TRIM37: variants seen among roughly 807,000 people sequenced by gnomAD.
TRIM37 encodes tripartite motif containing 37.
A neutral mutation model predicts 129.8 loss-of-function variants in TRIM37; 80 were observed. That is an observed-to-expected ratio of 0.62 (90% confidence interval 0.51 to 0.74). The LOEUF is 0.74. TRIM37 is among the 30% of genes least tolerant of loss of function. The pLI is 0.00. For synonymous variants in TRIM37, 389 were observed against 387.1 expected, an observed-to-expected ratio of 1.00 and a Z score of -0.06; for missense variants, 1,054 against 1,176.5, an observed-to-expected ratio of 0.90 and a Z score of 1.52.
chr17:59,052,214 A>T (rs915948307), intron 13 of TRIM37, among the ~76,000 whole-genome samples: 1 of 17,390 alleles, frequency 5.8e-5, no homozygotes, highest in Non-Finnish European at 9.4e-5. Flanking sequence ...TGTTTTAATT[A>T]AAAAAAAAAA....
intron 13 of TRIM37, among the ~76,000 whole-genome samples, chr17:59,053,280 A>AT (rs2040523301): frequency 2.0e-5 from 3 of 152,218 alleles, no homozygotes; most frequent in African/African-American, 7.2e-5. Context: ...AAAAGCCTTA[A>AT]ATAACTTTCT....
intron 9 of TRIM37, among the ~76,000 whole-genome samples, chr17:59,067,958 AC>A (rs2042049863): frequency 1.3e-5 from 2 of 152,192 alleles, no homozygotes. Flanking sequence ...TGGCTCCATC[AC>A]CAATTACTAA....
At chr17:58,974,432 A>G in the TRIM37 span, among the ~76,000 whole-genome samples, 17 of 152,194 alleles carry the variant, frequency 1.1e-4, no homozygotes, top group Non-Finnish European at 2.9e-5. Context: ...GGGAAAGTCA[A>G]TGAAACTCGG....
At chr17:58,985,397 G>A (rs999240000) in intron 24 of TRIM37, among the ~76,000 whole-genome samples, 4 of 152,212 alleles carry the variant, frequency 2.6e-5, no homozygotes, top group African/African-American at 9.6e-5. Context: ...TAGCTGAACT[G>A]CGAGGAGAGG....
At chr17:59,006,491 A>G (rs1376544417) in intron 22 of TRIM37, among the ~76,000 whole-genome samples, 3 of 152,168 alleles carry the variant, frequency 2.0e-5, no homozygotes, top group African/African-American at 7.2e-5. Flanking sequence ...GTCACCAACA[A>G]TTTATCTGCC....
intron 22 of TRIM37, 125 bp from the exon 23 acceptor site, chr17:59,001,839 CAAACT>C: frequency 1.5e-6 from 2 of 1,326,610 alleles, no homozygotes; most frequent in South Asian, 1.3e-5. Context: ...AAGAATTCAA[CAAACT>C]AAACACTAAC....
chr17:59,099,188 CA>C (rs986446269), intron 2 of TRIM37, among the ~76,000 whole-genome samples: 1 of 151,604 alleles, frequency 6.6e-6, no homozygotes, highest in Admixed American at 6.6e-5. Flanking sequence ...TCTCAAAAAA[CA>C]AAAAAACTTA....
intron 19 of TRIM37, among the ~76,000 whole-genome samples, chr17:59,019,876 G>A (rs917243328): frequency 1.6e-4 from 25 of 152,074 alleles, no homozygotes; most frequent in Non-Finnish European, 2.8e-4. Flanking sequence ...CTAGACTTAC[G>A]AAAAATGATG....
chr17:59,068,594 A>G (rs1028487545), intron 9 of TRIM37, among the ~76,000 whole-genome samples: 9 of 152,246 alleles, frequency 5.9e-5, no homozygotes, highest in African/African-American at 1.9e-4. Flanking sequence ...AATCTACTTA[A>G]TGACAGCAAA....
At chr17:59,037,787 T>C (rs1178718951) in intron 17 of TRIM37, among the ~76,000 whole-genome samples, 3 of 152,050 alleles carry the variant, frequency 2.0e-5, no homozygotes, top group Non-Finnish European at 2.9e-5. Flanking sequence ...TTTAGTAGTT[T>C]TCCCCTAATG....
At chr17:59,019,356 A>T (rs1318121984) in intron 19 of TRIM37, among the ~76,000 whole-genome samples, 2 of 152,224 alleles carry the variant, frequency 1.3e-5, no homozygotes, top group Non-Finnish European at 2.9e-5. Context: ...ATGAACCTTG[A>T]AAGGGCTGTG....
chr17:59,003,077 A>T (rs1249867236), intron 22 of TRIM37, among the ~76,000 whole-genome samples: 4 of 152,154 alleles, frequency 2.6e-5, no homozygotes, highest in Non-Finnish European at 5.9e-5. Context: ...GGATTTCGCC[A>T]TGTTGCCCAG....
chr17:59,078,139 A>ATAC (rs1434508528), intron 7 of TRIM37, among the ~76,000 whole-genome samples: 10 of 151,932 alleles, frequency 6.6e-5, no homozygotes, highest in African/African-American at 2.4e-4. Context: ...AATAATAATA[A>ATAC]TAATAATAAA....
intron 11 of TRIM37, 45 bp from the exon 12 acceptor site, chr17:59,061,153 A>T (rs746916311): frequency 6.9e-7 from 1 of 1,450,806 alleles, no homozygotes; most frequent in Non-Finnish European, 9.7e-7. Context: ...ATTAAGCCAC[A>T]ATAAAACAAA....
rs561272285 is a variant in TRIM37 at position 58,998,282 on chromosome 17, A to G, written c.*1095T>C. Reference sequence around the variant, plus strand: ...ACTATGAGTCACAGCATTCAGCAAGACATCAGACACGGAAGAGTGAACAAT... The same window carrying G: ...ACTATGAGTCACAGCATTCAGCAAGGCATCAGACACGGAAGAGTGAACAAT... On this transcript the variant is annotated 3_prime_UTR_variant, in exon 24 of 24. Transcript: ENST00000262294. 4.1e-6 allele frequency: 4 copies of G among 985,478 alleles called. No individual in the cohort carries two copies. In the African/African-American group the frequency reaches 7.0e-5, roughly 17 times the overall value. The allele number at this position is 985,478 out of a possible 1,614,324, so 61.0% of individuals were successfully genotyped here. A position where few individuals can be genotyped will look rare whatever the true frequency, so the allele number is the denominator to read the frequency against.
chr17:59,081,225 T>A lies in TRIM37; in HGVS notation c.370-6A>T. The A allele has an allele frequency of 6.2e-7, 1 of 1,612,606 alleles. No individual in the cohort carries two copies. The highest frequency in any genetic ancestry group is 2.2e-5 in the East Asian group (1 of 44,762). ...TTAAAGGTATGTCCGCCATGCTATT[T>A]AAATTAGAGTAGCTTTAGAACACTT... On this transcript the variant is annotated splice_polypyrimidine_tract_variant and splice_region_variant and intron_variant, in intron 5 of 23. Coordinates refer to ENST00000262294, the MANE Select transcript of TRIM37 (RefSeq NM_015294.6).
chr17:59,087,681 CTT>C lies in TRIM37; in HGVS notation c.281+608_281+609del, dbSNP rs1405658419. Among the ~76,000 whole-genome samples the C allele has an allele frequency of 4.6e-5, 7 of 152,162 alleles. No homozygotes were observed. The East Asian group carries it at 1.4e-3, about 29-fold the overall frequency. ...TGACCTGTGAGGTTTCAACCTCTTG[CTT>C]TACCATGTTGTGACTCTACAGAAAG... On this transcript the variant is annotated intron_variant, in intron 4 of 23. Coordinates refer to ENST00000262294, the MANE Select transcript of TRIM37 (RefSeq NM_015294.6).
chr17:58,983,056 G>A (rs2143853860), intron 24 of TRIM37: 1 of 802,184 alleles, frequency 1.2e-6, no homozygotes, highest in South Asian at 1.9e-5. Context: ...AGAATAAAGA[G>A]GGTAAAGGGA....
In TRIM37 at chr17:59,106,855, G is replaced by C. The variant is rs895360835; in HGVS notation, c.-394C>G. On this transcript the variant is annotated 5_prime_UTR_variant, in exon 1 of 24. Transcript: ENST00000262294. ...AACACCAACCGTAACCAGAGCAGCT[G>C]GGGGCGCGGCGGCGAGAGAAGCTGC... 1.4e-5 allele frequency: 5 copies of C among 347,852 alleles called. No individual in the cohort carries two copies. Among genetic ancestry groups the C allele is most frequent in the South Asian group, 1.3e-4 (4 of 30,044 alleles). 21.5% of individuals were successfully genotyped at this position (347,852 alleles called of 1,614,324 possible). A position where few individuals can be genotyped will look rare whatever the true frequency, so the allele number is the denominator to read the frequency against.
Sources: gnomAD v4.1 joint callset for allele counts (sites outside exome capture counted in the v4.1 genomes callset) on GRCh38, gnomAD v4.1.1 for gene constraint, MANE v1.5 for transcripts, NCBI Gene and HGNC (gene_info 2026-07-23, HGNC 2026-07-21) for gene names.